PGLYRP4: variants seen among roughly 807,000 people sequenced by gnomAD.
PGLYRP4 encodes PGRP-I-beta.
PGLYRP4 carries 39 observed loss-of-function variants against 41.2 expected under a neutral mutation model. The observed-to-expected ratio is 0.95, with a 90% CI of 0.73 to 1.24. The LOEUF is 1.24. Ranked by LOEUF, PGLYRP4 falls within the 50% of genes most tolerant of loss-of-function variation. The probability of loss-of-function intolerance (pLI) is 0.00; values close to 1 mark genes in which losing one functional copy is unlikely to be tolerated. For missense variants in PGLYRP4, 467 were observed against 460.7 expected (o/e 1.01, Z -0.13); for synonymous variants, 202 against 186.8 (o/e 1.08, Z -0.66).
chr1:153,348,010 C>T (rs527462896), intron 1 of PGLYRP4, 32 bp from the exon 2 acceptor site: 2 of 1,202,104 alleles, frequency 1.7e-6, no homozygotes, highest in Admixed American at 1.9e-5. Flanking sequence ...GTTAACATGA[C>T]CATTCTCAAT....
At chr1:153,343,300 A>C (rs1660875439) in intron 4 of PGLYRP4, 92 bp from the exon 5 acceptor site, 1 of 824,204 alleles carries the variant, frequency 1.2e-6, no homozygotes, top group Non-Finnish European at 2.0e-6. Flanking sequence ...ATGGAGAAGG[A>C]CTGAAGCTAT....
chr1:153,338,551 A>G (rs3014858), intron 7 of PGLYRP4, among the ~76,000 whole-genome samples: 62,513 of 152,056 alleles, frequency 0.41, 13,387 homozygotes, highest in Non-Finnish European at 0.47. Context: ...TAAGTTACAA[A>G]ATCCTTCTGA....
At chr1:153,346,932 G>A (rs1195881327) in intron 2 of PGLYRP4, among the ~76,000 whole-genome samples, 1 of 152,174 alleles carries the variant, frequency 6.6e-6, no homozygotes, top group Admixed American at 6.5e-5. Context: ...GAGCTTAATT[G>A]CTTGTTTAAA....
intron 5 of PGLYRP4, among the ~76,000 whole-genome samples, chr1:153,342,019 A>G (rs1230521270): frequency 6.6e-6 from 1 of 152,138 alleles, no homozygotes; most frequent in Non-Finnish European, 1.5e-5. Flanking sequence ...TCCTCTCTCC[A>G]TGAAAGAGCT....
intron 8 of PGLYRP4, among the ~76,000 whole-genome samples, chr1:153,335,721 CTAAA>C (rs71584104): frequency 0.03 from 1,127 of 37,032 alleles, 24 homozygotes; most frequent in East Asian, 0.26. Context: ...AAGACTCTGT[CTAAA>C]TAAATAAATA....
chr1:153,334,365 ATGTATATATATGTATTCCTAGTG>A (rs1660455354), intron 8 of PGLYRP4, among the ~76,000 whole-genome samples: 1 of 150,148 alleles, frequency 6.7e-6, no homozygotes, highest in Non-Finnish European at 1.5e-5. Flanking sequence ...ATATGTTTGT[ATGTATATATATGTATTCCTAGTG>A]TGTATATATA....
At chr1:153,343,477 G>T (rs1660880915) in intron 4 of PGLYRP4, among the ~76,000 whole-genome samples, 1 of 152,134 alleles carries the variant, frequency 6.6e-6, no homozygotes, top group Non-Finnish European at 1.5e-5. Context: ...AGGAGAAGAG[G>T]TCCTAGAGGT....
At chr1:153,343,951 A>C (rs1361646201) in intron 4 of PGLYRP4, among the ~76,000 whole-genome samples, 3 of 152,184 alleles carry the variant, frequency 2.0e-5, no homozygotes, top group Non-Finnish European at 4.4e-5. Context: ...CTTAATAAGC[A>C]CATTCCTTTC....
In PGLYRP4 at chr1:153,331,086, G is replaced by A. The variant is rs1379086986; in HGVS notation, c.944-141C>T. The A allele has an allele frequency of 1.6e-5, 9 of 578,860 alleles. No individual in the cohort carries two copies. In the East Asian group the frequency reaches 2.0e-4, roughly 13 times the overall value. 35.9% of individuals were successfully genotyped at this position (578,860 alleles called of 1,614,324 possible). A position where few individuals can be genotyped will look rare whatever the true frequency, so the allele number is the denominator to read the frequency against. On this transcript the variant is annotated intron_variant, in intron 8 of 8. Coordinates refer to ENST00000359650, the MANE Select transcript of PGLYRP4 (RefSeq NM_020393.4). ...CCTAGAGACAGGCAAAAAAAACAAGGTCAAGACTTCAGATTTCTTAGTGCC... is the reference window on the plus strand; with the variant it reads ...CCTAGAGACAGGCAAAAAAAACAAGATCAAGACTTCAGATTTCTTAGTGCC...
chr1:153,337,718 C>T (rs1660627012), intron 7 of PGLYRP4, among the ~76,000 whole-genome samples: 1 of 152,212 alleles, frequency 6.6e-6, no homozygotes, highest in Non-Finnish European at 1.5e-5. Context: ...AAGAGAATGA[C>T]AGCTTTCAAT....
intron 5 of PGLYRP4, among the ~76,000 whole-genome samples, 197 bp downstream of exon 5, chr1:153,342,893 G>C (rs1213308128): frequency 6.6e-6 from 1 of 152,206 alleles, no homozygotes; most frequent in African/African-American, 2.4e-5. Context: ...AAGGAAGCCA[G>C]GGCAGTAGGA....
At chr1:153,340,257 T>C in intron 7 of PGLYRP4, 124 bp downstream of exon 7, 1 of 813,756 alleles carries the variant, frequency 1.2e-6, no homozygotes, top group South Asian at 1.7e-5. Flanking sequence ...TTCATTTGGT[T>C]ATCCATACAG....
Position 153,345,211 on chromosome 1 carries a change from G to A in PGLYRP4, c.311C>T (p.Ala104Val), listed in dbSNP as rs770001187. The A allele has an allele frequency of 6.2e-6, 10 of 1,613,636 alleles. No homozygotes were observed. Among genetic ancestry groups the A allele is most frequent in the African/African-American group, 1.3e-5 (1 of 74,914 alleles). The change falls in exon 4 of 9, where the codon GCC becomes GTC. Residue 104 changes from alanine (A) to valine (V), a missense_variant. Physicochemically the swap from Ala to Val is moderately conservative, Grantham distance 64. Transcript: ENST00000359650. ...VCSQRLRELQ[A>V]HHVHNNSGCD... is the part of the protein sequence containing the mutation. ...CCCACTGTTGTTGTGGACATGATGG[G>A]CCTGCAGTTCCCGCAGTCTCTGGCT...
At chr1:153,333,964 T>C (rs886623707) in intron 8 of PGLYRP4, among the ~76,000 whole-genome samples, 1 of 152,074 alleles carries the variant, frequency 6.6e-6, no homozygotes, top group Non-Finnish European at 1.5e-5. Context: ...TACTGAATGG[T>C]AAGAAGTTGA....
chr1:153,347,778 T>C, intron 2 of PGLYRP4, 106 bp downstream of exon 2: 1 of 826,032 alleles, frequency 1.2e-6, no homozygotes, highest in Non-Finnish European at 2.0e-6. Flanking sequence ...ACTGCAGCCT[T>C]GAACTCCTCA....
intron 4 of PGLYRP4, among the ~76,000 whole-genome samples, chr1:153,343,785 A>T (rs1350876622): frequency 1.3e-5 from 2 of 152,236 alleles, no homozygotes; most frequent in Non-Finnish European, 2.9e-5. Flanking sequence ...ATGTATTTCA[A>T]GGAAATCACT....
At chr1:153,337,658 C>T (rs1660624962) in intron 7 of PGLYRP4, among the ~76,000 whole-genome samples, 1 of 152,200 alleles carries the variant, frequency 6.6e-6, no homozygotes, top group Non-Finnish European at 1.5e-5. Context: ...GCCCATTCGG[C>T]TCCAGCACAC....
At chr1:153,335,440 G>A (rs1360762923) in intron 8 of PGLYRP4, among the ~76,000 whole-genome samples, 1 of 152,134 alleles carries the variant, frequency 6.6e-6, no homozygotes, top group Non-Finnish European at 1.5e-5. Flanking sequence ...ATGAAAAAAT[G>A]CTCAACATTA....
intron 8 of PGLYRP4, 62 bp from the exon 9 acceptor site, chr1:153,331,007 T>C (rs534351961): frequency 1.9e-5 from 27 of 1,386,956 alleles, no homozygotes; most frequent in Non-Finnish European, 2.7e-5. Flanking sequence ...ATAGAACATA[T>C]CCCCAGAACC....
Sources: gnomAD v4.1 joint callset for allele counts (sites outside exome capture counted in the v4.1 genomes callset) on GRCh38, gnomAD v4.1.1 for gene constraint, MANE v1.5 for transcripts, NCBI Gene and HGNC (gene_info 2026-07-23, HGNC 2026-07-21) for gene names.